The following THSD4 variants were observed in gnomAD, a reference collection of about 807,000 sequenced individuals.
THSD4 encodes thrombospondin type-1 domain-containing protein 4.
THSD4 carries 69 observed loss-of-function variants against 119.0 expected under a neutral mutation model. That is an observed-to-expected ratio of 0.58 (90% CI 0.48 to 0.71). The LOEUF (loss-of-function observed/expected upper bound fraction) is 0.71, where lower values mean the gene tolerates loss of function less well. THSD4 is among the 30% of genes least tolerant of loss of function. The pLI is 0.00. For synonymous variants in THSD4, 524 were observed against 540.4 expected (o/e 0.97, Z 0.42); for missense variants, 1,393 against 1,391.1 (o/e 1.00, Z -0.02).
chr15:71,731,495 C>T (rs1242799914), intron 10 of THSD4: 10 of 403,900 alleles, frequency 2.5e-5, no homozygotes, highest in Middle Eastern at 7.4e-4. Context: ...TACTAGTTTC[C>T]AGGCCAGACA....
rs544934710 is a variant in THSD4 at position 71,552,924 on chromosome 15, G to T, written c.1153-107606G>T. On this transcript the variant is annotated intron_variant, in intron 7 of 17. Transcript: ENST00000261862. ...GCTGGAATTATAGGCATGAGCCACC[G>T]CACCAGCCTAGCAATTTTTTTACAT... Among the ~76,000 whole-genome samples the T allele has an allele frequency of 2.0e-3, 302 of 152,208 alleles. 1 individual carries two copies. Among genetic ancestry groups the T allele is most frequent in the African/African-American group, 7.1e-3 (293 of 41,532 alleles).
At chr15:71,335,669 G>C (rs1227994500) in intron 6 of THSD4, among the ~76,000 whole-genome samples, 1 of 152,142 alleles carries the variant, frequency 6.6e-6, no homozygotes, top group African/African-American at 2.4e-5. Context: ...CCTCGGTGAA[G>C]ATGAATGCAA....
intron 7 of THSD4, among the ~76,000 whole-genome samples, chr15:71,525,998 A>ATAAGAACC (rs1235040720): frequency 6.6e-6 from 1 of 152,226 alleles, no homozygotes; most frequent in Non-Finnish European, 1.5e-5. Flanking sequence ...AACCAAGGAA[A>ATAAGAACC]TAAGAACCGA....
intron 8 of THSD4, among the ~76,000 whole-genome samples, chr15:71,670,295 T>C (rs529845063): frequency 6.6e-6 from 1 of 151,982 alleles, no homozygotes; most frequent in South Asian, 2.1e-4. Flanking sequence ...GTGTTCTCAT[T>C]GTTCAATTCC....
chr15:71,296,753 G>A (rs914674423), intron 6 of THSD4, among the ~76,000 whole-genome samples: 2 of 152,178 alleles, frequency 1.3e-5, no homozygotes, highest in African/African-American at 2.4e-5. Flanking sequence ...ATCTGAAAAC[G>A]TCGTATTCCT....
In THSD4 at chr15:71,666,633, AT is replaced by A. The variant is rs142376171; in HGVS notation, c.1357+5901del. On this transcript the variant is annotated intron_variant, in intron 8 of 17. Coordinates refer to ENST00000261862, the MANE Select transcript of THSD4 (RefSeq NM_024817.3). ...AGCTTTAGACGTACTAAAACTTACTATTAATACTTTGCTTATTTCAAAATGC... is the reference window on the plus strand; with the variant it reads ...AGCTTTAGACGTACTAAAACTTACTATAATACTTTGCTTATTTCAAAATGC... Among the ~76,000 whole-genome samples the A allele has an allele frequency of 9.3e-3, 1,411 of 152,336 alleles. 28 individuals are homozygous for A. The highest frequency in any genetic ancestry group is 0.032 in the African/African-American group (1,338 of 41,570).
intron 7 of THSD4, among the ~76,000 whole-genome samples, chr15:71,536,657 T>C (rs2048692548): frequency 6.6e-6 from 1 of 152,206 alleles, no homozygotes; most frequent in Non-Finnish European, 1.5e-5. Context: ...ATGTACACAT[T>C]GTGACTGAGT....
At chr15:71,390,009 T>C (rs1030289688) in intron 6 of THSD4, among the ~76,000 whole-genome samples, 2 of 152,014 alleles carry the variant, frequency 1.3e-5, no homozygotes, top group African/African-American at 4.8e-5. Flanking sequence ...TTCACCATAT[T>C]GGCCAGGCTG....
chr15:71,628,751 T>G (rs1055453188), intron 7 of THSD4, among the ~76,000 whole-genome samples: 8 of 152,166 alleles, frequency 5.3e-5, no homozygotes, highest in African/African-American at 1.7e-4. Context: ...TACAGATGAA[T>G]TTGGTGACTC....
rs919465042 is a variant in THSD4, at chr15:71,771,574, G to A, written c.2914+366G>A. 3.7e-4 allele frequency among the ~76,000 whole-genome samples: 57 copies of A among 152,292 alleles called. 1 individual carries two copies. Among genetic ancestry groups the A allele is most frequent in the Admixed American group, 3.3e-3 (51 of 15,304 alleles). On this transcript the variant is annotated intron_variant, in intron 17 of 17. Coordinates refer to ENST00000261862, the MANE Select transcript of THSD4 (RefSeq NM_024817.3). ...TGGGGAGATTCTGGGACCTTAGCAG[G>A]GAGTTGGCAGAGAAGGGAGGAAGGG...
intron 4 of THSD4, among the ~76,000 whole-genome samples, chr15:71,237,513 T>C (rs1055222961): frequency 2.6e-5 from 4 of 152,164 alleles, no homozygotes; most frequent in African/African-American, 9.7e-5. Flanking sequence ...CACGTGGAGC[T>C]ATCAAAGTGC....
chr15:71,637,840 C>T (rs778320047), intron 7 of THSD4, among the ~76,000 whole-genome samples: 2 of 152,022 alleles, frequency 1.3e-5, no homozygotes, highest in African/African-American at 2.4e-5. Context: ...ATTCTCCTGC[C>T]TCAGCCTCCC....
At chr15:71,459,160 C>CTTTTTTTTTTTTTTTTTTTTTTTTTTTT (rs372209662) in intron 7 of THSD4, among the ~76,000 whole-genome samples, 1 of 128,882 alleles carries the variant, frequency 7.8e-6, no homozygotes, top group African/African-American at 2.9e-5. Context: ...TTCTTTTTTT[C>CTTTTTTTTTTTTTTTTTTTTTTTTTTTT]TTTTTTTTTT....
At chr15:71,696,540 A>C (rs1034970523) in intron 8 of THSD4, among the ~76,000 whole-genome samples, 1 of 152,196 alleles carries the variant, frequency 6.6e-6, no homozygotes, top group East Asian at 1.9e-4. Flanking sequence ...AAACTATAGC[A>C]TAGCTATTAT....
At chr15:71,279,849 C>G (rs899748943) in intron 6 of THSD4, among the ~76,000 whole-genome samples, 1 of 151,676 alleles carries the variant, frequency 6.6e-6, no homozygotes, top group African/African-American at 2.4e-5. Context: ...ACTTTTTGTT[C>G]TGTACAAACA....
At chr15:71,473,013 T>A (rs1433908447) in intron 7 of THSD4, among the ~76,000 whole-genome samples, 1 of 151,918 alleles carries the variant, frequency 6.6e-6, no homozygotes, top group African/African-American at 2.4e-5. Context: ...TAAAAAAAAT[T>A]CTTAATGTTA....
chr15:71,650,701 T>A (rs1294367883), intron 7 of THSD4, among the ~76,000 whole-genome samples: 4 of 152,162 alleles, frequency 2.6e-5, no homozygotes, highest in Non-Finnish European at 5.9e-5. Context: ...ATAGCAGTAA[T>A]GTCAGACTAG....
At chr15:71,248,948 G>A (rs572438149) in intron 5 of THSD4, among the ~76,000 whole-genome samples, 15 of 152,254 alleles carry the variant, frequency 9.9e-5, no homozygotes, top group African/African-American at 3.6e-4. Context: ...GGACAGAATG[G>A]GGGTTTCAAC....
intron 7 of THSD4, among the ~76,000 whole-genome samples, chr15:71,538,926 T>A (rs749741637): frequency 4.6e-4 from 70 of 152,194 alleles, no homozygotes; most frequent in Non-Finnish European, 9.4e-4. Context: ...CCACTTTAAA[T>A]CCCTGAGCCC....
Sources: allele counts gnomAD v4.1 joint callset (sites outside exome capture counted in the v4.1 genomes callset), GRCh38; gene constraint gnomAD v4.1.1; transcripts MANE v1.5; gene names NCBI Gene and HGNC (gene_info 2026-07-23, HGNC 2026-07-21).